Variants in IQCM observed in about 807,000 individuals in gnomAD.
IQCM encodes IQ motif containing M.
A neutral mutation model predicts 57.6 loss-of-function variants in IQCM; 45 were observed. That is an observed-to-expected ratio of 0.78 (90% confidence interval 0.62 to 1.00). IQCM has a LOEUF of 1.00. IQCM is among the 50% of genes least tolerant of loss of function. The probability of loss-of-function intolerance (pLI) is 0.00; values close to 1 mark genes in which losing one functional copy is unlikely to be tolerated. For synonymous variants in IQCM, 148 were observed against 158.9 expected (o/e 0.93, Z 0.51); for missense variants, 468 against 511.6 (o/e 0.91, Z 0.82).
At chr4:149,365,283 C>T (rs1729753847) in intron 13 of IQCM, among the ~76,000 whole-genome samples, 1 of 152,004 alleles carries the variant, frequency 6.6e-6, no homozygotes, top group East Asian at 1.9e-4. Context: ...CCTGAAAAAG[C>T]TCCCAATCTC....
At chr4:149,627,501 C>T (rs1305640567) in intron 7 of IQCM, among the ~76,000 whole-genome samples, 1 of 152,176 alleles carries the variant, frequency 6.6e-6, no homozygotes, top group Admixed American at 6.5e-5. Flanking sequence ...AATTACTAAA[C>T]AATTTACACA....
intron 12 of IQCM, among the ~76,000 whole-genome samples, chr4:149,460,701 A>T (rs898683655): frequency 2.6e-5 from 4 of 152,180 alleles, no homozygotes; most frequent in Non-Finnish European, 4.4e-5. Flanking sequence ...GGAAGAAAGG[A>T]TCAAATGATA....
At chr4:149,393,479 A>C (rs992086703) in intron 13 of IQCM, among the ~76,000 whole-genome samples, 1 of 151,936 alleles carries the variant, frequency 6.6e-6, no homozygotes. Context: ...AAAAGATAAA[A>C]TATTCTAAAA....
At chr4:149,472,107 G>A (rs1412854162) in intron 12 of IQCM, among the ~76,000 whole-genome samples, 1 of 152,148 alleles carries the variant, frequency 6.6e-6, no homozygotes, top group Non-Finnish European at 1.5e-5. Flanking sequence ...CATAGTGTTG[G>A]AAGTTCTGGC....
intron 12 of IQCM, among the ~76,000 whole-genome samples, chr4:149,459,658 T>C (rs895720998): frequency 1.3e-5 from 2 of 152,206 alleles, no homozygotes; most frequent in Admixed American, 6.5e-5. Context: ...TCTATCTCTA[T>C]GATTTTGACC....
chr4:149,635,449 T>C (rs1194589404), intron 7 of IQCM, among the ~76,000 whole-genome samples: 2 of 152,188 alleles, frequency 1.3e-5, no homozygotes, highest in African/African-American at 4.8e-5. Context: ...AGATAGCAGG[T>C]ACTCAATATA....
At chr4:149,814,435 G>T (rs763478409) in intron 2 of IQCM, among the ~76,000 whole-genome samples, 1 of 151,832 alleles carries the variant, frequency 6.6e-6, no homozygotes, top group Admixed American at 6.6e-5. Flanking sequence ...AGTCCATTCT[G>T]AAAGAACAAC....
chr4:149,471,520 G>A (rs538981980), intron 12 of IQCM, among the ~76,000 whole-genome samples: 55 of 152,270 alleles, frequency 3.6e-4, no homozygotes, highest in Admixed American at 1.2e-3. Flanking sequence ...TGGATTCACA[G>A]CCGAATTCTA....
intron 13 of IQCM, among the ~76,000 whole-genome samples, chr4:149,384,542 C>A (rs190219043): frequency 6.6e-6 from 1 of 152,166 alleles, no homozygotes; most frequent in Admixed American, 6.6e-5. Flanking sequence ...TACCTTCCCA[C>A]AATTTACCGT....
At chr4:149,659,307 A>C (rs989366851) in intron 7 of IQCM, among the ~76,000 whole-genome samples, 128 of 152,072 alleles carry the variant, frequency 8.4e-4, no homozygotes, top group Non-Finnish European at 2.9e-4. Flanking sequence ...AGAACTACAA[A>C]CCACCGCTCA....
At chr4:149,363,031 G>T (rs921894514) in intron 13 of IQCM, among the ~76,000 whole-genome samples, 1 of 152,156 alleles carries the variant, frequency 6.6e-6, no homozygotes, top group African/African-American at 2.4e-5. Flanking sequence ...TAAGTAGGAA[G>T]ACTTTGGCCT....
At chr4:149,487,779 A>C (rs552956475) in intron 12 of IQCM, among the ~76,000 whole-genome samples, 2 of 152,212 alleles carry the variant, frequency 1.3e-5, no homozygotes, top group South Asian at 4.1e-4. Flanking sequence ...GCACAGGATT[A>C]TCTCTTCCTG....
chr4:149,433,345 T>G, intron 13 of IQCM, 51 bp downstream of exon 13: 1 of 770,520 alleles, frequency 1.3e-6, no homozygotes. Flanking sequence ...TATTTAATAT[T>G]ATAAGGTATC....
intron 7 of IQCM, among the ~76,000 whole-genome samples, chr4:149,648,918 T>C (rs1242436174): frequency 1.3e-5 from 2 of 151,824 alleles, no homozygotes; most frequent in African/African-American, 4.8e-5. Flanking sequence ...AAAAAAAGAA[T>C]ACAAAAATTA....
intron 12 of IQCM, among the ~76,000 whole-genome samples, chr4:149,542,792 T>A (rs1747988200): frequency 6.6e-6 from 1 of 152,274 alleles, no homozygotes; most frequent in South Asian, 2.1e-4. Context: ...CAAACTTTTA[T>A]TGTGCACTTA....
chr4:149,386,520 C>T (rs1219375249), intron 13 of IQCM, among the ~76,000 whole-genome samples: 1 of 151,944 alleles, frequency 6.6e-6, no homozygotes, highest in African/African-American at 2.4e-5. Flanking sequence ...GTGCATACTG[C>T]AATTGTCATT....
chr4:149,531,175 A>G (rs907169534), intron 12 of IQCM, among the ~76,000 whole-genome samples: 9 of 152,124 alleles, frequency 5.9e-5, no homozygotes, highest in African/African-American at 2.2e-4. Context: ...GTATGATAAG[A>G]TTCTATGAAG....
rs548169656 is a variant in IQCM, at chr4:149,515,859, G to A, written c.1228+32596C>T. On this transcript the variant is annotated intron_variant, in intron 12 of 13. Transcript: ENST00000636793. ...GAAAAGGTATGTGGATGGACCTCTCGGAGTGGTCAAAAACTGTGAAGATAT... is the reference window on the plus strand; with the variant it reads ...GAAAAGGTATGTGGATGGACCTCTCAGAGTGGTCAAAAACTGTGAAGATAT... Among the ~76,000 whole-genome samples, 8 of 152,276 alleles carry A rather than the reference G, an allele frequency of 5.3e-5. No individual in the cohort carries two copies. In the East Asian group the frequency reaches 5.8e-4, roughly 11 times the overall value.
chr4:149,694,259 C>A, intron 5 of IQCM, among the ~76,000 whole-genome samples: 1 of 119,904 alleles, frequency 8.3e-6, no homozygotes, highest in Non-Finnish European at 1.6e-5. Context: ...GAGTCTCGCT[C>A]TGTCGCCCAG....
Sources: allele counts gnomAD v4.1 joint callset (sites outside exome capture counted in the v4.1 genomes callset), GRCh38; gene constraint gnomAD v4.1.1; transcripts MANE v1.5; gene names NCBI Gene and HGNC (gene_info 2026-07-23, HGNC 2026-07-21).